RTTN: variants seen among roughly 807,000 people sequenced by gnomAD.
RTTN encodes the protein rotatin.
Under a neutral mutation model 269.2 loss-of-function variants are expected in RTTN, and 182 were observed. The ratio of observed to expected loss-of-function variants is 0.68; its 90% CI spans 0.60 to 0.76. The LOEUF (loss-of-function observed/expected upper bound fraction) is 0.76, where lower values mean the gene tolerates loss of function less well. Ranked by LOEUF, RTTN falls within the 30% of genes least tolerant of loss-of-function variation. RTTN has a pLI of 0.00. For synonymous variants in RTTN, 1,006 were observed against 963.5 expected, an observed-to-expected ratio of 1.04 and a Z score of -0.82; for missense variants, 2,545 against 2,608.6, an observed-to-expected ratio of 0.98 and a Z score of 0.53.
chr18:70,119,320 C>G (rs2059678090), intron 26 of RTTN, among the ~76,000 whole-genome samples: 1 of 42,628 alleles, frequency 2.3e-5, no homozygotes, highest in South Asian at 2.6e-3. Context: ...TTTAAAATAG[C>G]TACCAAAAAA....
intron 31 of RTTN, 32 bp from the exon 32 acceptor site, chr18:70,086,716 A>AGGTC: frequency 7.4e-7 from 1 of 1,348,852 alleles, no homozygotes. Flanking sequence ...AAAAAAAAAA[A>AGGTC]AAAAAAAAAA....
In RTTN at chr18:70,059,965, C is replaced by CA. The variant is rs2057930763; in HGVS notation, c.4824dup (p.Val1609CysfsTer39). 6.2e-7 allele frequency: 1 copy of CA among 1,613,980 alleles called. No individual in the cohort carries two copies. The highest frequency in any genetic ancestry group is 1.1e-5 in the South Asian group (1 of 91,052). ...ATTGCTGAAAGAAGAGATGGAGTAA[C>CA]AAAAACACACAGTTTGGGCAGGGGA... is the stretch of plus-strand genomic sequence containing the variant. On this transcript the variant is annotated frameshift_variant, in exon 36 of 49. Transcript: ENST00000640769. LOFTEE classifies it high-confidence loss of function.
intron 34 of RTTN, among the ~76,000 whole-genome samples, chr18:70,068,499 G>C (rs949358263): frequency 6.6e-6 from 1 of 152,198 alleles, no homozygotes; most frequent in Non-Finnish European, 1.5e-5. Context: ...CCTTGTTTGC[G>C]AGGAGAGGCT....
At chr18:70,043,578 T>C (rs1218185285) in intron 40 of RTTN, among the ~76,000 whole-genome samples, 3 of 152,178 alleles carry the variant, frequency 2.0e-5, no homozygotes, top group African/African-American at 7.2e-5. Context: ...AGTAGCTAAA[T>C]GAGGTATAAG....
At chr18:70,013,228 A>T (rs2056443791) in intron 46 of RTTN, among the ~76,000 whole-genome samples, 1 of 152,198 alleles carries the variant, frequency 6.6e-6, no homozygotes, top group African/African-American at 2.4e-5. Context: ...TGGGAGGGTG[A>T]CTTCCTTATG....
At chr18:70,042,035 T>C (rs930259519) in intron 40 of RTTN, among the ~76,000 whole-genome samples, 21 of 151,626 alleles carry the variant, frequency 1.4e-4, no homozygotes, top group Admixed American at 5.9e-4. Context: ...ATAATCAAGA[T>C]TACCAGACAC....
intron 32 of RTTN, among the ~76,000 whole-genome samples, chr18:70,084,740 T>C (rs1031911872): frequency 2.6e-5 from 4 of 152,192 alleles, no homozygotes; most frequent in African/African-American, 9.7e-5. Context: ...AATCAACTAT[T>C]GTTTGGGACA....
intron 46 of RTTN, among the ~76,000 whole-genome samples, chr18:70,013,048 C>T (rs2056437809): frequency 1.3e-5 from 2 of 152,180 alleles, no homozygotes; most frequent in Non-Finnish European, 2.9e-5. Flanking sequence ...GGGCACGCTG[C>T]AGCCGACTCC....
At chr18:70,123,994 G>A (rs1193256337) in intron 25 of RTTN, among the ~76,000 whole-genome samples, 1 of 151,792 alleles carries the variant, frequency 6.6e-6, no homozygotes, top group Non-Finnish European at 1.5e-5. Flanking sequence ...ATCTCAGGGA[G>A]AGTCCTAAGA....
intron 31 of RTTN, among the ~76,000 whole-genome samples, chr18:70,087,052 TAC>T (rs147330537): frequency 5.6e-4 from 84 of 149,914 alleles, no homozygotes; most frequent in Non-Finnish European, 8.2e-4. Context: ...CCTTTCAGAT[TAC>T]ACACACACAC....
chr18:70,091,358 T>C (rs1408141158), intron 30 of RTTN, among the ~76,000 whole-genome samples: 1 of 151,954 alleles, frequency 6.6e-6, no homozygotes, highest in Admixed American at 6.6e-5. Flanking sequence ...TAGGAGATAA[T>C]TAAGGTTTAA....
intron 17 of RTTN, 93 bp from the exon 18 acceptor site, chr18:70,145,876 A>C (rs2060377686): frequency 1.7e-5 from 16 of 925,124 alleles, no homozygotes; most frequent in Middle Eastern, 2.5e-4. Flanking sequence ...ATATCAACAA[A>C]GTACAATAAG....
At chr18:70,024,510 G>C (rs989144667) in intron 44 of RTTN, among the ~76,000 whole-genome samples, 12 of 152,060 alleles carry the variant, frequency 7.9e-5, no homozygotes, top group African/African-American at 2.9e-4. Flanking sequence ...TCTATTCCCT[G>C]CGCTGCCAAT....
chr18:70,161,570 A>G (rs533552624), intron 14 of RTTN, among the ~76,000 whole-genome samples: 1 of 152,342 alleles, frequency 6.6e-6, no homozygotes, highest in African/African-American at 2.4e-5. Flanking sequence ...AAAAGCCTAC[A>G]GAATGGGAGA....
chr18:70,052,652 A>ATATATATATATATATC (rs1258669642), intron 38 of RTTN, among the ~76,000 whole-genome samples: 2 of 145,400 alleles, frequency 1.4e-5, no homozygotes, highest in Non-Finnish European at 3.1e-5. Context: ...TTATATATAT[A>ATATATATATATATATC]TATCATCACA....
At chr18:70,062,849 T>C (rs1376660769) in intron 35 of RTTN, among the ~76,000 whole-genome samples, 1 of 152,142 alleles carries the variant, frequency 6.6e-6, no homozygotes, top group Non-Finnish European at 1.5e-5. Flanking sequence ...CCTCCAAAAG[T>C]TCTAGGATTA....
intron 31 of RTTN, 23 bp downstream of exon 31, chr18:70,087,966 A>G: frequency 1.2e-6 from 2 of 1,607,284 alleles, no homozygotes; most frequent in African/African-American, 1.3e-5. Flanking sequence ...TCTAAGGAAA[A>G]AAAGGAGAAA....
intron 35 of RTTN, among the ~76,000 whole-genome samples, chr18:70,065,480 G>A (rs2058108369): frequency 6.6e-6 from 1 of 151,948 alleles, no homozygotes; most frequent in Non-Finnish European, 1.5e-5. Flanking sequence ...AACCAGAATC[G>A]CTTTACTTTC....
Position 70,168,945 on chromosome 18 carries a change from A to T in RTTN, c.1599T>A (p.Asn533Lys), listed in dbSNP as rs770202887. Reference protein sequence around the residue: ...EAVVAYLEQLNSENYSIYKRT... With the variant: ...EAVVAYLEQLKSENYSIYKRT... ...GTTTATAAATACTGTAGTTTTCAGA[A>T]TTCAGCTGTTCCAAATAGGCCACAA... Residue 533 changes from asparagine (N) to lysine (K), a missense_variant, in exon 12 of 49, where the codon AAT becomes AAA. Physicochemically the swap from Asn to Lys is moderately conservative, Grantham distance 94 (BLOSUM62 0). Coordinates refer to ENST00000640769, the MANE Select transcript of RTTN (RefSeq NM_173630.4). 1.2e-5 allele frequency: 20 copies of T among 1,613,564 alleles called. No homozygotes were observed. The South Asian group carries it at 2.2e-4, about 18-fold the overall frequency.
Sources: allele counts gnomAD v4.1 joint callset (sites outside exome capture counted in the v4.1 genomes callset), GRCh38; gene constraint gnomAD v4.1.1; transcripts MANE v1.5; gene names NCBI Gene and HGNC (gene_info 2026-07-23, HGNC 2026-07-21).